CNTNAP2: variants seen among roughly 807,000 people sequenced by gnomAD.
CNTNAP2 encodes the protein contactin-associated protein-like 2.
CNTNAP2 carries 98 observed loss-of-function variants against 155.2 expected under a neutral mutation model. The ratio of observed to expected loss-of-function variants is 0.63; its 90% CI spans 0.54 to 0.75. CNTNAP2 has a LOEUF of 0.75. CNTNAP2 is among the 30% of genes least tolerant of loss of function. The pLI is 0.00. For missense variants in CNTNAP2, 1,727 were observed against 1,688.1 expected (o/e 1.02, Z -0.40); for synonymous variants, 651 against 631.2 (o/e 1.03, Z -0.47).
At chr7:146,395,824 GAGGA>G (rs1795616123) in intron 1 of CNTNAP2, among the ~76,000 whole-genome samples, 3 of 131,218 alleles carry the variant, frequency 2.3e-5, no homozygotes, top group East Asian at 4.0e-4. Flanking sequence ...TAGATAGATA[GAGGA>G]GAGAGAGAGA....
intron 9 of CNTNAP2, among the ~76,000 whole-genome samples, chr7:147,309,851 T>C (rs929617511): frequency 2.6e-4 from 39 of 152,152 alleles, no homozygotes; most frequent in African/African-American, 9.4e-4. Flanking sequence ...ATAAGCATAG[T>C]ACCATATAAG....
intron 16 of CNTNAP2, among the ~76,000 whole-genome samples, chr7:148,136,258 G>A (rs943151794): frequency 6.6e-6 from 1 of 152,138 alleles, no homozygotes; most frequent in Non-Finnish European, 1.5e-5. Context: ...TCATGTTGAA[G>A]TGTGACTCCC....
chr7:147,485,840 T>C, intron 10 of CNTNAP2, 95 bp from the exon 11 acceptor site: 1 of 1,195,668 alleles, frequency 8.4e-7, no homozygotes, highest in Non-Finnish European at 1.2e-6. Flanking sequence ...CAACCTGGCA[T>C]TGAAATGATA....
rs759865646 is a variant in CNTNAP2 at position 147,234,634 on chromosome 7, C to CGGCCCA, written c.1349-65505_1349-65500dup. ...GATTACAGGCATGAGCCACCGCGCC[C>CGGCCCA]GGCCCAGAGTATTCTTTATAGCAAA... is the stretch of plus-strand genomic sequence containing the variant. On this transcript the variant is annotated intron_variant, in intron 8 of 23. Coordinates refer to ENST00000361727, the MANE Select transcript of CNTNAP2 (RefSeq NM_014141.6). Among the ~76,000 whole-genome samples the CGGCCCA allele has an allele frequency of 2.0e-4, 30 of 152,224 alleles. No individual in the cohort carries two copies. The East Asian group carries it at 4.3e-3, about 22-fold the overall frequency.
intron 10 of CNTNAP2, among the ~76,000 whole-genome samples, chr7:147,406,036 G>A (rs1384489083): frequency 1.3e-5 from 2 of 152,094 alleles, no homozygotes; most frequent in African/African-American, 4.8e-5. Context: ...AATGGTTAAG[G>A]TGTGTATCTT....
chr7:147,679,205 A>C (rs1242881466), intron 13 of CNTNAP2, among the ~76,000 whole-genome samples: 2 of 151,928 alleles, frequency 1.3e-5, no homozygotes, highest in African/African-American at 2.4e-5. Flanking sequence ...TGAAAGATTT[A>C]AGGAAAAAGC....
chr7:147,711,941 T>C (rs1251831793), intron 13 of CNTNAP2, among the ~76,000 whole-genome samples: 1 of 152,184 alleles, frequency 6.6e-6, no homozygotes, highest in Non-Finnish European at 1.5e-5. Flanking sequence ...ATAATAGTGT[T>C]ATAAAAAGAC....
chr7:146,414,044 A>T (rs914606852), intron 1 of CNTNAP2, among the ~76,000 whole-genome samples: 3 of 152,176 alleles, frequency 2.0e-5, no homozygotes, highest in African/African-American at 4.8e-5. Flanking sequence ...GGACATGTGA[A>T]CTATGTTAAC....
At chr7:148,354,636 T>C (rs1798481494) in intron 21 of CNTNAP2, among the ~76,000 whole-genome samples, 1 of 151,248 alleles carries the variant, frequency 6.6e-6, no homozygotes, top group Admixed American at 6.6e-5. Flanking sequence ...TCCTCTCTGT[T>C]TCTTAAGACA....
chr7:146,726,474 A>C (rs559746978), intron 1 of CNTNAP2, among the ~76,000 whole-genome samples: 1 of 152,242 alleles, frequency 6.6e-6, no homozygotes, highest in South Asian at 2.1e-4. Context: ...AGTGCCATTC[A>C]ATTTTCAATT....
chr7:147,663,570 ATCTTACT>A (rs1186763074), intron 13 of CNTNAP2, among the ~76,000 whole-genome samples: 1 of 152,228 alleles, frequency 6.6e-6, no homozygotes, highest in East Asian at 1.9e-4. Context: ...CCACATGGAC[ATCTTACT>A]TGCTAAAAGC....
chr7:147,920,421 G>C (rs951389458), intron 14 of CNTNAP2, among the ~76,000 whole-genome samples: 1 of 149,576 alleles, frequency 6.7e-6, no homozygotes, highest in Non-Finnish European at 1.5e-5. Flanking sequence ...CTGTTTCCCT[G>C]CCTGTCCATC....
intron 11 of CNTNAP2, among the ~76,000 whole-genome samples, chr7:147,523,086 C>T (rs1799258844): frequency 1.3e-5 from 2 of 152,142 alleles, no homozygotes; most frequent in Non-Finnish European, 2.9e-5. Flanking sequence ...GGGTCTCTCA[C>T]AGTCAAGATG....
chr7:148,156,539 G>A (rs1247099542), intron 17 of CNTNAP2, among the ~76,000 whole-genome samples: 2 of 151,954 alleles, frequency 1.3e-5, no homozygotes, highest in East Asian at 3.9e-4. Context: ...TCCGAATATT[G>A]TCTTGGATGA....
chr7:147,628,901 G>A (rs560167877), intron 12 of CNTNAP2, among the ~76,000 whole-genome samples: 3 of 144,382 alleles, frequency 2.1e-5, no homozygotes, highest in Admixed American at 1.4e-4. Flanking sequence ...AAAGAGGAAC[G>A]TTATAAAATG....
intron 1 of CNTNAP2, among the ~76,000 whole-genome samples, chr7:146,149,372 A>G (rs1274902499): frequency 1.3e-5 from 2 of 152,160 alleles, no homozygotes; most frequent in Non-Finnish European, 2.9e-5. Flanking sequence ...TTTCTCATTC[A>G]TTATCCTATG....
At chr7:147,360,463 G>T (rs1422387965) in intron 9 of CNTNAP2, among the ~76,000 whole-genome samples, 1 of 151,972 alleles carries the variant, frequency 6.6e-6, no homozygotes, top group Non-Finnish European at 1.5e-5. Context: ...TATCTTTAAA[G>T]ACATGAGATA....
intron 10 of CNTNAP2, among the ~76,000 whole-genome samples, chr7:147,432,916 T>G (rs1266900405): frequency 2.6e-5 from 4 of 152,220 alleles, no homozygotes; most frequent in African/African-American, 9.6e-5. Flanking sequence ...AAATATGCAT[T>G]CGCATGGTTA....
rs61069153 is a variant in CNTNAP2 at position 147,510,850 on chromosome 7, C to CATATATATAT, written c.1777+24821_1777+24830dup. 2.5e-3 allele frequency among the ~76,000 whole-genome samples: 191 copies of CATATATATAT among 76,396 alleles called. 20 individuals carry two copies. Among genetic ancestry groups the CATATATATAT allele is most frequent in the Middle Eastern group, 8.2e-3 (1 of 122 alleles). The allele number at this position is 76,396 out of a possible 152,430, so 50.1% of individuals were successfully genotyped here. ...AGTGCTCCTGTGATGGGCCTACAACCATATATATATATATATATATAATGC... is the reference window on the plus strand; with the variant it reads ...AGTGCTCCTGTGATGGGCCTACAACCATATATATATATATATATATATATATATATAATGC... On this transcript the variant is annotated intron_variant, in intron 11 of 23. Coordinates refer to ENST00000361727, the MANE Select transcript of CNTNAP2 (RefSeq NM_014141.6).
Sources: allele counts gnomAD v4.1 joint callset (sites outside exome capture counted in the v4.1 genomes callset), GRCh38; gene constraint gnomAD v4.1.1; transcripts MANE v1.5; gene names NCBI Gene and HGNC (gene_info 2026-07-23, HGNC 2026-07-21).